The following GOSR1 variants were observed in gnomAD, a reference collection of about 807,000 sequenced individuals.
GOSR1 encodes the protein 28 kDa Golgi SNARE protein.
In GOSR1, 21 loss-of-function variants were observed where a neutral mutation model predicts 35.5. The observed-to-expected ratio is 0.59, with a 90% CI of 0.42 to 0.85. The LOEUF (loss-of-function observed/expected upper bound fraction) is 0.85. Among genes scored for constraint, GOSR1 ranks in the 40% least tolerant of loss-of-function variants. The pLI, the probability that GOSR1 is intolerant of heterozygous loss-of-function variation, is 0.00. For missense variants in GOSR1, 285 were observed against 309.6 expected, an observed-to-expected ratio of 0.92 and a Z score of 0.60; for synonymous variants, 94 against 106.6, an observed-to-expected ratio of 0.88 and a Z score of 0.73.
At position 30,484,383 on chromosome 17, in the gene GOSR1, A is replaced by T; in HGVS notation, c.234+82A>T. 8.3e-6 allele frequency: 7 copies of T among 845,392 alleles called. No individual in the cohort carries two copies. In the South Asian group the frequency reaches 9.4e-5, roughly 11 times the overall value. 52.4% of individuals were successfully genotyped at this position (845,392 alleles called of 1,614,324 possible). On this transcript the variant is annotated intron_variant, in intron 3 of 8. Transcript: ENST00000451249. ...GATCCTGGATTATATTGAGACAGAC[A>T]TGTTTATTGAAATTATCCATTCCAT...
Position 30,518,950 on chromosome 17 carries a change from C to A in GOSR1, c.540-989C>A, listed in dbSNP as rs1967919264. 2.0e-5 allele frequency among the ~76,000 whole-genome samples: 3 copies of A among 151,760 alleles called. No individual in the cohort carries two copies. In the South Asian group the frequency reaches 6.2e-4, roughly 32 times the overall value. Reference sequence around the variant, plus strand: ...GAGCAGGACCCTGTCCCCCAACCCCCAACCCCCCCCAAAAAAAGGATATTA... The same window carrying A: ...GAGCAGGACCCTGTCCCCCAACCCCAAACCCCCCCCAAAAAAAGGATATTA... On this transcript the variant is annotated intron_variant, in intron 7 of 8. Coordinates refer to ENST00000451249, the MANE Select transcript of GOSR1 (RefSeq NM_001007025.2).
At chr17:30,494,588 A>G (rs1966923766) in intron 6 of GOSR1, among the ~76,000 whole-genome samples, 1 of 151,860 alleles carries the variant, frequency 6.6e-6, no homozygotes, top group Non-Finnish European at 1.5e-5. Context: ...CCACCCCAAG[A>G]ATTTCTGCCT....
Position 30,522,464 on chromosome 17 carries a change from C to A in GOSR1, c.*86C>A. ...AACATCGGAGGGAGAAGTTGACTGT[C>A]TTGATAATTAGCCTGACCAGCAGGA... is the stretch of plus-strand genomic sequence containing the variant. On this transcript the variant is annotated 3_prime_UTR_variant, in exon 9 of 9. Transcript: ENST00000451249. 1 of 1,132,264 alleles carries A rather than the reference C, an allele frequency of 8.8e-7. No individual in the cohort carries two copies. Among genetic ancestry groups the A allele is most frequent in the Non-Finnish European group, 1.2e-6 (1 of 812,652 alleles). The allele number at this position is 1,132,264 out of a possible 1,614,324, so 70.1% of individuals were successfully genotyped here.
chr17:30,523,613 G>T lies in GOSR1; in HGVS notation c.*1235G>T, dbSNP rs1292240486. On this transcript the variant is annotated 3_prime_UTR_variant, in exon 9 of 9. Coordinates refer to ENST00000451249, the MANE Select transcript of GOSR1 (RefSeq NM_001007025.2). ...CCCCGCCCGGCCAGCCGCCCCGTCCGGGAGGGAGGTGGGGGGCGCCTCTGC... is the reference window on the plus strand; with the variant it reads ...CCCCGCCCGGCCAGCCGCCCCGTCCTGGAGGGAGGTGGGGGGCGCCTCTGC... 1 of 156,364 alleles carries T rather than the reference G, an allele frequency of 6.4e-6. No individual in the cohort carries two copies. Among genetic ancestry groups the T allele is most frequent in the South Asian group, 1.7e-4 (1 of 5,788 alleles). The allele number at this position is 156,364 out of a possible 1,614,324, so 9.7% of individuals were successfully genotyped here.
intron 7 of GOSR1, among the ~76,000 whole-genome samples, chr17:30,515,146 T>A (rs939482535): frequency 4.6e-5 from 7 of 152,094 alleles, no homozygotes; most frequent in African/African-American, 1.4e-4. Context: ...GAGGATGAGC[T>A]TCCAGTCACT....
Position 30,523,065 on chromosome 17 carries a change from G to A in GOSR1, c.*687G>A, listed in dbSNP as rs570131753. On this transcript the variant is annotated 3_prime_UTR_variant, in exon 9 of 9. Coordinates refer to ENST00000451249, the MANE Select transcript of GOSR1 (RefSeq NM_001007025.2). ...GGTGCCCAGGCTGGAGTGCAGTGGC[G>A]TGATCTCGGCTCACTACAACCTCCA... 1.3e-3 allele frequency: 227 copies of A among 178,664 alleles called. No homozygotes were observed. Among genetic ancestry groups the A allele is most frequent in the South Asian group, 6.2e-3 (70 of 11,336 alleles). 11.1% of individuals were successfully genotyped at this position (178,664 alleles called of 1,614,324 possible). A position where few individuals can be genotyped will look rare whatever the true frequency, so the allele number is the denominator to read the frequency against.
intron 5 of GOSR1, among the ~76,000 whole-genome samples, chr17:30,491,657 T>TA (rs1004245817): frequency 3.9e-4 from 57 of 144,570 alleles, no homozygotes; most frequent in African/African-American, 5.3e-4. Context: ...AGACTCTGTC[T>TA]AAAAAAAAAA....
At chr17:30,507,533 G>A (rs1967448336) in intron 6 of GOSR1, among the ~76,000 whole-genome samples, 1 of 152,124 alleles carries the variant, frequency 6.6e-6, no homozygotes, top group Non-Finnish European at 1.5e-5. Flanking sequence ...GACCAGCCTG[G>A]CCAACATAGT....
Position 30,517,276 on chromosome 17 carries a change from A to G in GOSR1, c.540-2663A>G, listed in dbSNP as rs373072012. Among the ~76,000 whole-genome samples the G allele has an allele frequency of 7.2e-5, 11 of 152,352 alleles. No individual in the cohort carries two copies. The East Asian group carries it at 9.6e-4, about 13-fold the overall frequency. On this transcript the variant is annotated intron_variant, in intron 7 of 8. Transcript: ENST00000451249. ...AACAACTTAACTAATACTAAAATGGATAAAGGAAAAGTCAATCTCCTGGTA... is the reference window on the plus strand; with the variant it reads ...AACAACTTAACTAATACTAAAATGGGTAAAGGAAAAGTCAATCTCCTGGTA...
At chr17:30,519,878 A>C (rs958185410) in intron 7 of GOSR1, 61 bp from the exon 8 acceptor site, 5 of 992,042 alleles carry the variant, frequency 5.0e-6, no homozygotes, top group Non-Finnish European at 8.0e-6. Context: ...TTTTAAAGGC[A>C]TGATGGTTCC....
At chr17:30,517,243 C>T (rs1010360964) in intron 7 of GOSR1, among the ~76,000 whole-genome samples, 1 of 151,972 alleles carries the variant, frequency 6.6e-6, no homozygotes, top group African/African-American at 2.4e-5. Context: ...TCAAAATGTT[C>T]TTATTGTAAC....
Position 30,523,067 on chromosome 17 carries a change from G to C in GOSR1, c.*689G>C, listed in dbSNP as rs902155921. On this transcript the variant is annotated 3_prime_UTR_variant, in exon 9 of 9. Transcript: ENST00000451249. ...TGCCCAGGCTGGAGTGCAGTGGCGT[G>C]ATCTCGGCTCACTACAACCTCCACC... 6.8e-5 allele frequency: 12 copies of C among 177,736 alleles called. No homozygotes were observed. Among genetic ancestry groups the C allele is most frequent in the Non-Finnish European group, 1.2e-4 (10 of 84,156 alleles). 11.0% of individuals were successfully genotyped at this position (177,736 alleles called of 1,614,324 possible). A position where few individuals can be genotyped will look rare whatever the true frequency, so the allele number is the denominator to read the frequency against.
At chr17:30,521,955 G>C (rs920236173) in intron 8 of GOSR1, among the ~76,000 whole-genome samples, 1 of 152,104 alleles carries the variant, frequency 6.6e-6, no homozygotes, top group Non-Finnish European at 1.5e-5. Context: ...CTGAAGCCTG[G>C]CAGTAAGCCC....
At chr17:30,518,980 A>C (rs1436171028) in intron 7 of GOSR1, among the ~76,000 whole-genome samples, 1 of 149,042 alleles carries the variant, frequency 6.7e-6, no homozygotes, top group Non-Finnish European at 1.5e-5. Flanking sequence ...ATATTAACTC[A>C]AGAGATCTTT....
intron 2 of GOSR1, among the ~76,000 whole-genome samples, chr17:30,483,268 A>G (rs1347138005): frequency 2.6e-5 from 4 of 151,998 alleles, no homozygotes; most frequent in Non-Finnish European, 4.4e-5. Flanking sequence ...TTACTCTTAC[A>G]CTGTCCTGAT....
chr17:30,518,686 T>C (rs971609464), intron 7 of GOSR1, among the ~76,000 whole-genome samples: 16 of 152,076 alleles, frequency 1.1e-4, no homozygotes, highest in Non-Finnish European at 7.4e-5. Flanking sequence ...TCCAGCACTT[T>C]GGGAGGCGGA....
chr17:30,517,943 G>T (rs1967883494), intron 7 of GOSR1, among the ~76,000 whole-genome samples: 1 of 152,162 alleles, frequency 6.6e-6, no homozygotes, highest in African/African-American at 2.4e-5. Flanking sequence ...ATCCAGCTAT[G>T]AGAGCCTCTT....
chr17:30,517,225 G>A (rs1967854337), intron 7 of GOSR1, among the ~76,000 whole-genome samples: 1 of 151,966 alleles, frequency 6.6e-6, no homozygotes. Flanking sequence ...AAGTACATTT[G>A]TATATTATCA....
rs914384999 is a variant in GOSR1, at chr17:30,519,772, G to C, written c.540-167G>C. 9.0e-6 allele frequency: 5 copies of C among 555,810 alleles called. No individual in the cohort carries two copies. In the East Asian group the frequency reaches 1.5e-4, roughly 17 times the overall value. 34.4% of individuals were successfully genotyped at this position (555,810 alleles called of 1,614,324 possible). On this transcript the variant is annotated intron_variant, in intron 7 of 8. Coordinates refer to ENST00000451249, the MANE Select transcript of GOSR1 (RefSeq NM_001007025.2). ...AGAACAGTGGAGTCATTTGGAAAAAGCGCAGTGGTAAAGTGGCTTCGGAAG... is the reference window on the plus strand; with the variant it reads ...AGAACAGTGGAGTCATTTGGAAAAACCGCAGTGGTAAAGTGGCTTCGGAAG...
Sources: gnomAD v4.1 joint callset for allele counts (sites outside exome capture counted in the v4.1 genomes callset) on GRCh38, gnomAD v4.1.1 for gene constraint, MANE v1.5 for transcripts, NCBI Gene and HGNC (gene_info 2026-07-23, HGNC 2026-07-21) for gene names.